Variants in TASP1 observed in about 807,000 individuals in gnomAD.
TASP1 encodes taspase 1.
In TASP1, 16 loss-of-function variants were observed where a neutral mutation model predicts 56.6. That is an observed-to-expected ratio of 0.28 (90% CI 0.19 to 0.43). TASP1 has a LOEUF of 0.43. TASP1 is among the 20% of genes least tolerant of loss of function. The probability of loss-of-function intolerance (pLI) is 1.00; values close to 1 mark genes in which losing one functional copy is unlikely to be tolerated. For missense variants in TASP1, 393 were observed against 511.6 expected, an observed-to-expected ratio of 0.77 and a Z score of 2.24; for synonymous variants, 179 against 184.2, an observed-to-expected ratio of 0.97 and a Z score of 0.23.
chr20:13,637,502 C>A (rs557509772), intron 1 of TASP1, among the ~76,000 whole-genome samples: 1 of 152,120 alleles, frequency 6.6e-6, no homozygotes, highest in Non-Finnish European at 1.5e-5. Flanking sequence ...GTCCATCGAC[C>A]GATGATGGTT....
the TASP1 span, among the ~76,000 whole-genome samples, chr20:13,274,091 GCA>G: frequency 6.6e-6 from 1 of 151,794 alleles, no homozygotes; most frequent in Non-Finnish European, 1.5e-5. Flanking sequence ...GTGTGCATGT[GCA>G]TGCACACAAA....
chr20:13,621,443 A>AT (rs1396564001), intron 4 of TASP1, among the ~76,000 whole-genome samples: 2 of 152,128 alleles, frequency 1.3e-5, no homozygotes, highest in African/African-American at 4.8e-5. Context: ...AAATATATAT[A>AT]TAAAAAATAA....
chr20:13,169,788 C>G, the TASP1 span, among the ~76,000 whole-genome samples: 1 of 152,118 alleles, frequency 6.6e-6, no homozygotes, highest in South Asian at 2.1e-4. Flanking sequence ...CAATTTATGG[C>G]CAGTCTTTTC....
At chr20:13,225,148 C>T in the TASP1 span, among the ~76,000 whole-genome samples, 6 of 152,022 alleles carry the variant, frequency 3.9e-5, no homozygotes, top group South Asian at 4.1e-4. Context: ...CCACCGCGCC[C>T]GGCCCATACT....
At chr20:13,364,358 T>C in the TASP1 span, among the ~76,000 whole-genome samples, 14 of 152,164 alleles carry the variant, frequency 9.2e-5, no homozygotes, top group Non-Finnish European at 2.1e-4. Context: ...GAGGACCATG[T>C]CATCTCAACT....
chr20:13,302,938 G>A, the TASP1 span, among the ~76,000 whole-genome samples: 85,148 of 152,028 alleles, frequency 0.56, 25,271 homozygotes, highest in African/African-American at 0.76. Flanking sequence ...CAGTCTTTAT[G>A]TCTTAGTGGC....
chr20:13,393,540 T>C, intron 13 of TASP1: 2 of 800,784 alleles, frequency 2.5e-6, no homozygotes, highest in Non-Finnish European at 4.4e-6. Flanking sequence ...TGATACCCAC[T>C]CTTCCATCTT....
intron 10 of TASP1, among the ~76,000 whole-genome samples, chr20:13,484,672 T>A (rs986151959): frequency 6.8e-6 from 1 of 147,590 alleles, no homozygotes; most frequent in African/African-American, 2.5e-5. Flanking sequence ...GTAGGCGGAG[T>A]TTGCTGTGAG....
the TASP1 span, among the ~76,000 whole-genome samples, chr20:13,305,920 T>C: frequency 6.6e-6 from 1 of 152,208 alleles, no homozygotes; most frequent in Non-Finnish European, 1.5e-5. Context: ...AATAACATCA[T>C]CCTCAACCAT....
chr20:13,349,093 G>T, the TASP1 span, among the ~76,000 whole-genome samples: 2 of 152,098 alleles, frequency 1.3e-5, no homozygotes, highest in Non-Finnish European at 2.9e-5. Context: ...ATGGAACCTC[G>T]ATGTCTGGAA....
the TASP1 span, among the ~76,000 whole-genome samples, chr20:13,303,373 T>C: frequency 6.6e-6 from 1 of 152,390 alleles, no homozygotes; most frequent in African/African-American, 2.4e-5. Flanking sequence ...TGTGGTTCTA[T>C]AGCTGAGCCC....
the TASP1 span, among the ~76,000 whole-genome samples, chr20:13,344,631 G>A: frequency 6.6e-6 from 1 of 152,148 alleles, no homozygotes; most frequent in Non-Finnish European, 1.5e-5. Flanking sequence ...CCTATCTCCT[G>A]GGAAGAAAAT....
At chr20:13,417,809 C>T (rs1229454547) in intron 12 of TASP1, among the ~76,000 whole-genome samples, 2 of 151,938 alleles carry the variant, frequency 1.3e-5, no homozygotes, top group Admixed American at 1.3e-4. Context: ...CACACACACT[C>T]GTACATACGG....
the TASP1 span, among the ~76,000 whole-genome samples, chr20:13,325,960 C>T: frequency 6.6e-6 from 1 of 152,210 alleles, no homozygotes; most frequent in Non-Finnish European, 1.5e-5. Context: ...CTTACCACCT[C>T]TTTATAGTCA....
intron 5 of TASP1, among the ~76,000 whole-genome samples, chr20:13,581,889 T>C (rs2047138809): frequency 6.6e-6 from 1 of 152,182 alleles, no homozygotes; most frequent in African/African-American, 2.4e-5. Context: ...AGGGTTAAGT[T>C]GCCTGCCCAT....
chr20:13,242,845 G>A, the TASP1 span, among the ~76,000 whole-genome samples: 1 of 152,190 alleles, frequency 6.6e-6, no homozygotes, highest in African/African-American at 2.4e-5. Flanking sequence ...TAGTTATACA[G>A]ATTTCACCTG....
At chr20:13,172,581 T>C in the TASP1 span, among the ~76,000 whole-genome samples, 2 of 152,172 alleles carry the variant, frequency 1.3e-5, no homozygotes, top group Non-Finnish European at 2.9e-5. Flanking sequence ...CCTGCTACTA[T>C]TTCTATTGTA....
At chr20:13,305,965 G>A in the TASP1 span, among the ~76,000 whole-genome samples, 1 of 152,186 alleles carries the variant, frequency 6.6e-6, no homozygotes, top group Admixed American at 6.5e-5. Flanking sequence ...GCACTGGATT[G>A]AGACACAGCT....
intron 8 of TASP1, among the ~76,000 whole-genome samples, chr20:13,536,504 CAAAT>C (rs926552777): frequency 1.1e-4 from 16 of 152,160 alleles, no homozygotes; most frequent in Non-Finnish European, 2.4e-4. Context: ...AAATCTCACA[CAAAT>C]AAACAAACTG....
Sources: allele counts gnomAD v4.1 joint callset (sites outside exome capture counted in the v4.1 genomes callset), GRCh38; gene constraint gnomAD v4.1.1; transcripts MANE v1.5; gene names NCBI Gene and HGNC (gene_info 2026-07-23, HGNC 2026-07-21).